Variants in ROBO1 observed in about 807,000 individuals in gnomAD.
ROBO1 encodes roundabout homolog 1.
A neutral mutation model predicts 195.9 loss-of-function variants in ROBO1; 149 were observed. The observed-to-expected ratio is 0.76, with a 90% CI of 0.67 to 0.87. The LOEUF (loss-of-function observed/expected upper bound fraction) is 0.87. Ranked by LOEUF, ROBO1 falls within the 40% of genes least tolerant of loss-of-function variation. The probability of loss-of-function intolerance (pLI) is 0.00; values close to 1 mark genes in which losing one functional copy is unlikely to be tolerated. For missense variants in ROBO1, 1,933 were observed against 2,068.3 expected (o/e 0.93, Z 1.27); for synonymous variants, 816 against 733.2 (o/e 1.11, Z -1.82).
chr3:79,026,486 T>C (rs2078205645), intron 3 of ROBO1, among the ~76,000 whole-genome samples: 1 of 152,120 alleles, frequency 6.6e-6, no homozygotes, highest in African/African-American at 2.4e-5. Context: ...TTTAGTTCTA[T>C]TTCTATATGA....
rs537056333 is a variant in ROBO1, at chr3:79,296,160, C to T, written c.89-170621G>A. Among the ~76,000 whole-genome samples, 10 of 152,178 alleles carry T rather than the reference C, an allele frequency of 6.6e-5. No individual in the cohort carries two copies. In the East Asian group the frequency reaches 7.7e-4, roughly 12 times the overall value. ...AACTCATTCTATAGGGATGGGGAAA[C>T]GTCCCTCTTATCAAACTGTCAAAAA... On this transcript the variant is annotated intron_variant, in intron 2 of 30. Transcript: ENST00000464233.
chr3:79,308,518 A>G (rs905259304), intron 2 of ROBO1, among the ~76,000 whole-genome samples: 3 of 152,158 alleles, frequency 2.0e-5, no homozygotes, highest in Non-Finnish European at 4.4e-5. Context: ...GCTTAGTACT[A>G]TGCGAATTAG....
Position 79,124,266 on chromosome 3 carries a change from G to GA in ROBO1, c.172+1189dup, listed in dbSNP as rs376181030. 3.8e-4 allele frequency among the ~76,000 whole-genome samples: 58 copies of GA among 152,064 alleles called. 1 individual carries two copies. Among genetic ancestry groups the GA allele is most frequent in the African/African-American group, 1.3e-3 (56 of 41,524 alleles). ...TCCTCATTCTTATGTTGGAAGACAG[G>GA]AAAAATGCAAATGAGTTATTTATAA... On this transcript the variant is annotated intron_variant, in intron 3 of 30. Coordinates refer to ENST00000464233, the MANE Select transcript of ROBO1 (RefSeq NM_002941.4).
intron 3 of ROBO1, among the ~76,000 whole-genome samples, chr3:79,050,157 G>A (rs556559926): frequency 3.3e-5 from 5 of 152,204 alleles, no homozygotes; most frequent in Admixed American, 2.0e-4. Flanking sequence ...CCCATCTCAC[G>A]TGCAGAAACA....
At chr3:78,713,489 A>C (rs1173534415) in intron 8 of ROBO1, among the ~76,000 whole-genome samples, 1 of 152,024 alleles carries the variant, frequency 6.6e-6, no homozygotes, top group African/African-American at 2.4e-5. Context: ...CAAAACAGGA[A>C]TTTTTTTTCC....
chr3:79,294,088 G>GAAAA (rs2032436729), intron 2 of ROBO1, among the ~76,000 whole-genome samples: 1 of 112,020 alleles, frequency 8.9e-6, no homozygotes, highest in African/African-American at 3.4e-5. Flanking sequence ...AAAAAAGAAA[G>GAAAA]AAAAAACTAC....
chr3:79,203,605 G>T (rs1250559592), intron 2 of ROBO1, among the ~76,000 whole-genome samples: 1 of 152,152 alleles, frequency 6.6e-6, no homozygotes, highest in Non-Finnish European at 1.5e-5. Flanking sequence ...TGGGAATTTA[G>T]ATTTTAGATA....
rs368133572 is a variant in ROBO1 at position 79,293,914 on chromosome 3, C to T, written c.89-168375G>A. Reference sequence around the variant, plus strand: ...TCTACTAAAAATACAAAAAATTAGCCGGGCGTGGTAGCGGGCGCCTGTAGT... The same window carrying T: ...TCTACTAAAAATACAAAAAATTAGCTGGGCGTGGTAGCGGGCGCCTGTAGT... On this transcript the variant is annotated intron_variant, in intron 2 of 30. Coordinates refer to ENST00000464233, the MANE Select transcript of ROBO1 (RefSeq NM_002941.4). Among the ~76,000 whole-genome samples, 220 of 150,542 alleles carry T rather than the reference C, an allele frequency of 1.5e-3. 1 individual carries two copies. Among genetic ancestry groups the T allele is most frequent in the African/African-American group, 5.0e-3 (207 of 41,056 alleles).
In ROBO1 at chr3:78,931,236, C is replaced by CTTTT. The variant is rs71127369; in HGVS notation, c.499+7361_499+7364dup. ...AAACAACATTTTCTTTTCTTTCTTT[C>CTTTT]TTTTTTTTTTTTTTTTTTTTTTTGA... On this transcript the variant is annotated intron_variant, in intron 4 of 30. Transcript: ENST00000464233. 9.6e-3 allele frequency among the ~76,000 whole-genome samples: 759 copies of CTTTT among 79,160 alleles called. 2 individuals are homozygous for CTTTT. Among genetic ancestry groups the CTTTT allele is most frequent in the East Asian group, 0.022 (55 of 2,524 alleles). The allele number at this position is 79,160 out of a possible 152,430, so 51.9% of individuals were successfully genotyped here. A position where few individuals can be genotyped will look rare whatever the true frequency, so the allele number is the denominator to read the frequency against.
At chr3:79,468,902 T>C (rs1938114477) in intron 2 of ROBO1, among the ~76,000 whole-genome samples, 1 of 152,068 alleles carries the variant, frequency 6.6e-6, no homozygotes, top group South Asian at 2.1e-4. Context: ...AATATAAGAG[T>C]ATAATAAATG....
chr3:79,237,218 C>T (rs950964469), intron 2 of ROBO1, among the ~76,000 whole-genome samples: 3 of 152,136 alleles, frequency 2.0e-5, no homozygotes. Context: ...CGCGGTGGCT[C>T]ACGCCTGTAA....
At chr3:79,090,992 A>G (rs2079469995) in intron 3 of ROBO1, among the ~76,000 whole-genome samples, 1 of 152,126 alleles carries the variant, frequency 6.6e-6, no homozygotes, top group Non-Finnish European at 1.5e-5. Context: ...CTAAGTTTAG[A>G]TTTCAGAAAG....
chr3:79,274,968 G>A (rs1157752808), intron 2 of ROBO1, among the ~76,000 whole-genome samples: 1 of 152,006 alleles, frequency 6.6e-6, no homozygotes, highest in South Asian at 2.1e-4. Context: ...CTGATAACAA[G>A]TACTGAGATT....
At chr3:79,057,540 C>A (rs1350387288) in intron 3 of ROBO1, among the ~76,000 whole-genome samples, 3 of 152,036 alleles carry the variant, frequency 2.0e-5, no homozygotes, top group South Asian at 4.1e-4. Context: ...GCAATGAAGA[C>A]CCATCTAACT....
At chr3:79,006,719 G>A (rs1458249761) in intron 3 of ROBO1, among the ~76,000 whole-genome samples, 1 of 137,574 alleles carries the variant, frequency 7.3e-6, no homozygotes, top group Non-Finnish European at 1.5e-5. Flanking sequence ...TACAGACCTT[G>A]TATAGGCATT....
At chr3:79,699,978 C>G (rs915987119) in intron 1 of ROBO1, among the ~76,000 whole-genome samples, 2 of 151,546 alleles carry the variant, frequency 1.3e-5, no homozygotes, top group African/African-American at 4.8e-5. Flanking sequence ...CAGCCCTTGT[C>G]CTCCTCCCTC....
At chr3:78,632,345 G>C (rs1003910625) in intron 24 of ROBO1, among the ~76,000 whole-genome samples, 1 of 152,128 alleles carries the variant, frequency 6.6e-6, no homozygotes, top group African/African-American at 2.4e-5. Flanking sequence ...TGTACTGGTA[G>C]GTTACCACAC....
chr3:78,916,159 A>C (rs1432587800), intron 4 of ROBO1, among the ~76,000 whole-genome samples: 1 of 149,626 alleles, frequency 6.7e-6, no homozygotes, highest in African/African-American at 2.5e-5. Flanking sequence ...CTGAGGCAGG[A>C]GAATGGCGTG....
intron 2 of ROBO1, among the ~76,000 whole-genome samples, chr3:79,479,197 C>T (rs532098912): frequency 6.6e-6 from 1 of 152,264 alleles, no homozygotes; most frequent in African/African-American, 2.4e-5. Context: ...TGGTCCCCAA[C>T]CTTTTTGGCA....
Sources: gnomAD v4.1 joint callset for allele counts (sites outside exome capture counted in the v4.1 genomes callset) on GRCh38, gnomAD v4.1.1 for gene constraint, MANE v1.5 for transcripts, NCBI Gene and HGNC (gene_info 2026-07-23, HGNC 2026-07-21) for gene names.